The following TCF7L1 variants were observed in gnomAD, a reference collection of about 807,000 sequenced individuals.
TCF7L1 encodes the protein transcription factor 7 like 1.
In TCF7L1, 18 loss-of-function variants were observed where a neutral mutation model predicts 63.7. The ratio of observed to expected loss-of-function variants is 0.28; its 90% CI spans 0.20 to 0.42. The LOEUF is 0.42. Ranked by LOEUF, TCF7L1 falls within the 10% of genes least tolerant of loss-of-function variation. The probability of loss-of-function intolerance (pLI) is 1.00; values close to 1 mark genes in which losing one functional copy is unlikely to be tolerated. For synonymous variants in TCF7L1, 355 were observed against 340.9 expected (o/e 1.04, Z -0.46); for missense variants, 654 against 779.3 (o/e 0.84, Z 1.91).
chr2:85,174,774 T>C (rs1222036225), intron 3 of TCF7L1, among the ~76,000 whole-genome samples: 1 of 152,224 alleles, frequency 6.6e-6, no homozygotes, highest in Non-Finnish European at 1.5e-5. Flanking sequence ...CTTCGCAGTC[T>C]ATGCCCAGGG....
intron 3 of TCF7L1, among the ~76,000 whole-genome samples, chr2:85,166,661 T>A (rs1047487267): frequency 1.3e-5 from 2 of 152,156 alleles, no homozygotes; most frequent in Non-Finnish European, 2.9e-5. Flanking sequence ...GCCTATAATG[T>A]GAGATCCGAT....
At chr2:85,238,506 G>A (rs943699352) in intron 3 of TCF7L1, among the ~76,000 whole-genome samples, 2 of 152,180 alleles carry the variant, frequency 1.3e-5, no homozygotes, top group African/African-American at 4.8e-5. Context: ...CCGGGGCCGT[G>A]ATTCCTTCAT....
At chr2:85,166,790 A>G (rs1183256070) in intron 3 of TCF7L1, 4 of 152,260 alleles carry the variant, frequency 2.6e-5, no homozygotes, top group Non-Finnish European at 4.4e-5. Flanking sequence ...CTCTCAGTTG[A>G]CCAGGACATC....
rs750116398 is a variant in TCF7L1, at chr2:85,304,295, C to T, written c.802C>T (p.Arg268Trp). 8 of 1,613,980 alleles carry T rather than the reference C, an allele frequency of 5.0e-6. No homozygotes were observed. The highest frequency in any genetic ancestry group is 2.2e-5 in the East Asian group (1 of 44,888). The stretch of plus-strand genomic sequence containing the variant: ...GTACTCCCTTCCTCCCGGTGGCTTC[C>T]GGCACCCTTACCCCGCCCTCGCCAT... ...PMYSLPPGGF[R>W]HPYPALAMNA... is the part of the protein sequence containing the mutation. The change falls in exon 7 of 12, where the codon CGG (arginine) becomes TGG (tryptophan). Residue 268 changes from arginine to tryptophan, a missense_variant. Physicochemically the swap from Arg to Trp is moderately radical, Grantham distance 101. This residue lies in a region of TCF7L1 where 404 missense variants were observed against 454.8 expected (regional missense o/e 0.89). Transcript: ENST00000282111.
At chr2:85,289,339 G>T (rs1276643257) in intron 4 of TCF7L1, among the ~76,000 whole-genome samples, 3 of 152,008 alleles carry the variant, frequency 2.0e-5, no homozygotes, top group African/African-American at 4.8e-5. Context: ...AGGCAAATGG[G>T]GCCAGAGACC....
rs535182729 is a variant in TCF7L1 at position 85,196,862 on chromosome 2, C to T, written c.441+62412C>T. On this transcript the variant is annotated intron_variant, in intron 3 of 11. Coordinates refer to ENST00000282111, the MANE Select transcript of TCF7L1 (RefSeq NM_031283.3). ...TCACCCAGTAAGTGAGGCATTCCCA[C>T]TGCCCAACCCCTTCCCCTGACTGCA... 4.6e-5 allele frequency among the ~76,000 whole-genome samples: 7 copies of T among 152,314 alleles called. No homozygotes were observed. The South Asian group carries it at 1.5e-3, about 32-fold the overall frequency.
At chr2:85,254,757 C>T (rs924347771) in intron 3 of TCF7L1, among the ~76,000 whole-genome samples, 6 of 152,172 alleles carry the variant, frequency 3.9e-5, no homozygotes, top group Non-Finnish European at 8.8e-5. Context: ...CCTGCCCCCA[C>T]CCTGTCTGGC....
intron 3 of TCF7L1, among the ~76,000 whole-genome samples, chr2:85,152,201 C>A (rs1294150590): frequency 1.3e-5 from 2 of 152,122 alleles, no homozygotes; most frequent in Non-Finnish European, 2.9e-5. Context: ...TTGTCCCAGG[C>A]CAGGAGCTGG....
chr2:85,245,845 A>AAAAC (rs1304019650), intron 3 of TCF7L1, among the ~76,000 whole-genome samples: 1 of 151,872 alleles, frequency 6.6e-6, no homozygotes, highest in South Asian at 2.1e-4. Context: ...AAAAAAAAAA[A>AAAAC]AAACAGACCA....
chr2:85,218,342 G>A (rs906513920), intron 3 of TCF7L1, among the ~76,000 whole-genome samples: 3 of 151,864 alleles, frequency 2.0e-5, no homozygotes, highest in African/African-American at 7.3e-5. Flanking sequence ...CTGCAATTCC[G>A]CCTCCTGGGC....
At chr2:85,199,863 C>G (rs954544129) in intron 3 of TCF7L1, among the ~76,000 whole-genome samples, 3 of 152,102 alleles carry the variant, frequency 2.0e-5, no homozygotes, top group Admixed American at 2.0e-4. Context: ...AGTTGTGCAA[C>G]CATCACCACT....
intron 3 of TCF7L1, among the ~76,000 whole-genome samples, chr2:85,221,044 C>T (rs189002879): frequency 1.1e-4 from 16 of 152,262 alleles, no homozygotes; most frequent in African/African-American, 3.1e-4. Context: ...TCTATTGTTA[C>T]GCACTCAGGT....
rs1273544491 is a variant in TCF7L1, at chr2:85,306,850, G to A, written c.1257+291G>A. Among the ~76,000 whole-genome samples the A allele has an allele frequency of 6.6e-6, 1 of 151,962 alleles. No homozygotes were observed. Among genetic ancestry groups the A allele is most frequent in the African/African-American group, 2.4e-5 (1 of 41,300 alleles). Reference sequence around the variant, plus strand: ...CGGCTAATTTTTTGTATTTTTAGTAGAGACGGGGTTTCACTGTGTTAACCA... The same window carrying A: ...CGGCTAATTTTTTGTATTTTTAGTAAAGACGGGGTTTCACTGTGTTAACCA... On this transcript the variant is annotated intron_variant, in intron 10 of 11. Transcript: ENST00000282111. This position sits in a 1 kb window ranked among gnomAD's most constrained non-coding sequence, Gnocchi z 4.3.
chr2:85,220,360 A>G (rs1378788682), intron 3 of TCF7L1, among the ~76,000 whole-genome samples: 6 of 150,466 alleles, frequency 4.0e-5, no homozygotes, highest in African/African-American at 1.5e-4. Context: ...ACTTAAAAAA[A>G]AATATATATA....
At position 85,309,067 on chromosome 2, in the gene TCF7L1, T is replaced by C. The variant is rs200981967; in HGVS notation, c.1372T>C (p.Tyr458His). 10 of 1,612,042 alleles carry C rather than the reference T, an allele frequency of 6.2e-6. No homozygotes were observed. In the East Asian group the frequency reaches 1.6e-4, roughly 25 times the overall value. ...CAAGAGCAAGAAGCCATGTGTTCAG[T>C]ACCTGCCCCCCGAGAAGCCCTGTGA... ...ASKSKKPCVQ[Y>H]LPPEKPCDSP... The change falls in exon 12 of 12, where the codon TAC becomes CAC. Residue 458 changes from tyrosine to histidine, a missense_variant. Coordinates refer to ENST00000282111, the MANE Select transcript of TCF7L1 (RefSeq NM_031283.3).
intron 3 of TCF7L1, among the ~76,000 whole-genome samples, chr2:85,156,574 G>A (rs1678151806): frequency 6.6e-6 from 1 of 152,186 alleles, no homozygotes; most frequent in African/African-American, 2.4e-5. Flanking sequence ...AAGTCTGCAG[G>A]CAGTCTTTAC....
chr2:85,270,781 G>A (rs142616317), intron 3 of TCF7L1, among the ~76,000 whole-genome samples: 128 of 151,870 alleles, frequency 8.4e-4, no homozygotes, highest in African/African-American at 2.9e-3. Context: ...CCTCGAGCTC[G>A]AGGGCTGAGT....
rs545403576 is a variant in TCF7L1 at position 85,275,882 on chromosome 2, T to C, written c.442-7613T>C. Among the ~76,000 whole-genome samples the C allele has an allele frequency of 3.7e-5, 5 of 134,022 alleles. No homozygotes were observed. In the South Asian group the frequency reaches 1.2e-3, roughly 31 times the overall value. 87.9% of individuals were successfully genotyped at this position (134,022 alleles called of 152,430 possible). On this transcript the variant is annotated intron_variant, in intron 3 of 11. Coordinates refer to ENST00000282111, the MANE Select transcript of TCF7L1 (RefSeq NM_031283.3). ...TTGCAGTGATCTATGATTGCGCCAC[T>C]GCACTCCAGCCTGGACGACAGAGTG...
At chr2:85,176,583 C>G (rs1339997387) in intron 3 of TCF7L1, among the ~76,000 whole-genome samples, 1 of 152,098 alleles carries the variant, frequency 6.6e-6, no homozygotes, top group Non-Finnish European at 1.5e-5. Flanking sequence ...GGGCTATGAC[C>G]CCTCATCCTT....
Sources: allele counts gnomAD v4.1 joint callset (sites outside exome capture counted in the v4.1 genomes callset), GRCh38; gene constraint gnomAD v4.1.1; regional missense constraint gnomAD v4.1.1; non-coding constraint Gnocchi (gnomAD v3.1); transcripts MANE v1.5; gene names NCBI Gene and HGNC (gene_info 2026-07-23, HGNC 2026-07-21).